Variants in ERBIN observed in about 807,000 individuals in gnomAD.
ERBIN encodes densin-180-like protein.
In ERBIN, 60 loss-of-function variants were observed where a neutral mutation model predicts 158.4. The observed-to-expected ratio is 0.38, with a 90% CI of 0.31 to 0.47. The LOEUF (loss-of-function observed/expected upper bound fraction) is 0.47, where lower values mean the gene tolerates loss of function less well. Ranked by LOEUF, ERBIN falls within the 20% of genes least tolerant of loss-of-function variation. The pLI, the probability that ERBIN is intolerant of heterozygous loss-of-function variation, is 0.99. For synonymous variants in ERBIN, 594 were observed against 557.2 expected, an observed-to-expected ratio of 1.07 and a Z score of -0.93; for missense variants, 1,610 against 1,648.0, an observed-to-expected ratio of 0.98 and a Z score of 0.40.
At chr5:66,047,981 TAAAG>T (rs913874174) in intron 18 of ERBIN, among the ~76,000 whole-genome samples, 1 of 151,902 alleles carries the variant, frequency 6.6e-6, no homozygotes, top group African/African-American at 2.4e-5. Context: ...TACTAAGTGT[TAAAG>T]AAATTTAGGA....
At position 66,050,899 on chromosome 5, in the gene ERBIN, A is replaced by C; in HGVS notation, c.2020A>C (p.Ser674Arg). ...MSDSVSLNTD[S>R]SQDTSLCSPV... ...TGATTCAGTTTCTCTTAATACTGAT[A>C]GTAGTCAAGACACCTCACTCTGCTC... The change falls in exon 20 of 26, where the codon AGT becomes CGT. Residue 674 changes from serine (S) to arginine (R), a missense_variant. By Grantham distance (110) the Ser-to-Arg change is moderately radical. This residue lies in a region of ERBIN where 1,014 missense variants were observed against 936.1 expected (regional missense o/e 1.08). Coordinates refer to ENST00000284037, the MANE Select transcript of ERBIN (RefSeq NM_001253697.2). 1 of 1,606,592 alleles carries C rather than the reference A, an allele frequency of 6.2e-7. No individual in the cohort carries two copies. The highest frequency in any genetic ancestry group is 8.5e-7 in the Non-Finnish European group (1 of 1,177,236).
At chr5:65,972,123 G>A (rs1295400143) in intron 1 of ERBIN, among the ~76,000 whole-genome samples, 1 of 152,130 alleles carries the variant, frequency 6.6e-6, no homozygotes, top group Non-Finnish European at 1.5e-5. Context: ...GGTCTGCTAT[G>A]TCATTTTTGG....
intron 7 of ERBIN, among the ~76,000 whole-genome samples, chr5:66,018,781 C>T (rs1396029704): frequency 1.4e-4 from 21 of 148,088 alleles, no homozygotes; most frequent in African/African-American, 4.0e-4. Flanking sequence ...GGACTACAGG[C>T]GCCCGCCACT....
chr5:65,942,073 G>A (rs1745121065), intron 1 of ERBIN, among the ~76,000 whole-genome samples: 1 of 152,128 alleles, frequency 6.6e-6, no homozygotes, highest in Non-Finnish European at 1.5e-5. Flanking sequence ...AGATAATTTT[G>A]TGTGAATGAT....
intron 14 of ERBIN, among the ~76,000 whole-genome samples, chr5:66,030,053 T>G (rs1756691898): frequency 6.6e-6 from 1 of 152,140 alleles, no homozygotes; most frequent in Admixed American, 6.5e-5. Flanking sequence ...TTGTTTTTGT[T>G]TTTTGACAGA....
intron 21 of ERBIN, chr5:66,055,179 A>T (rs915605767): frequency 3.7e-6 from 4 of 1,069,054 alleles, no homozygotes; most frequent in Admixed American, 3.8e-5. Context: ...AAAATGTATT[A>T]ATTTTATATG....
chr5:65,963,630 A>G (rs1233712482), intron 1 of ERBIN, among the ~76,000 whole-genome samples: 1 of 151,996 alleles, frequency 6.6e-6, no homozygotes, highest in African/African-American at 2.4e-5. Flanking sequence ...AAAAAAAACT[A>G]CTTTACATGA....
At chr5:66,025,288 G>A in intron 10 of ERBIN, 192 bp from the exon 11 acceptor site, 1 of 599,070 alleles carries the variant, frequency 1.7e-6, no homozygotes, top group Middle Eastern at 4.5e-4. Flanking sequence ...GTTAAATAGT[G>A]ATGTGGATGA....
chr5:66,053,315 T>C (rs1000320663), intron 20 of ERBIN, 91 bp from the exon 21 acceptor site: 2 of 713,054 alleles, frequency 2.8e-6, no homozygotes, highest in African/African-American at 3.7e-5. Flanking sequence ...CTTTTTTAAC[T>C]TGTCTACCTA....
At chr5:65,989,443 A>C (rs1010653178) in intron 2 of ERBIN, among the ~76,000 whole-genome samples, 5 of 152,172 alleles carry the variant, frequency 3.3e-5, no homozygotes, top group African/African-American at 1.2e-4. Context: ...TGTAGTCTCT[A>C]TTCACAGAAA....
At position 66,054,039 on chromosome 5, in the gene ERBIN, A is replaced by C; in HGVS notation, c.2721A>C (p.Gly907=). The change falls in exon 21 of 26, where the codon GGA becomes GGC. Residue 907 remains glycine (G), a synonymous_variant. Coordinates refer to ENST00000284037, the MANE Select transcript of ERBIN (RefSeq NM_001253697.2). The stretch of plus-strand genomic sequence containing the variant: ...TTAAAATCACATCTGCTGTTGATGG[A>C]AAAAATATAGTCAGGAGCAAGTCTG... The part of the protein sequence containing the change: ...TTVKITSAVD[G]KNIVRSKSAT... The C allele has an allele frequency of 6.2e-7, 1 of 1,614,152 alleles. No individual in the cohort carries two copies. Among genetic ancestry groups the C allele is most frequent in the Non-Finnish European group, 8.5e-7 (1 of 1,180,030 alleles).
chr5:65,997,981 A>C (rs1276902649), intron 4 of ERBIN, among the ~76,000 whole-genome samples: 1 of 152,036 alleles, frequency 6.6e-6, no homozygotes, highest in East Asian at 1.9e-4. Context: ...TAATCTCAGC[A>C]CTTTGGGACG....
intron 25 of ERBIN, 53 bp downstream of exon 25, chr5:66,077,002 A>G (rs2151311097): frequency 2.3e-6 from 3 of 1,304,300 alleles, no homozygotes; most frequent in Non-Finnish European, 3.3e-6. Flanking sequence ...TAATGTTTTC[A>G]CAGTTTAAAA....
At chr5:65,996,036 A>G (rs1390063225) in intron 4 of ERBIN, among the ~76,000 whole-genome samples, 3 of 152,168 alleles carry the variant, frequency 2.0e-5, no homozygotes, top group Non-Finnish European at 4.4e-5. Flanking sequence ...TATAGCTTGC[A>G]AACATTTTCT....
chr5:65,985,168 A>G (rs1580255145), intron 1 of ERBIN, among the ~76,000 whole-genome samples: 1 of 152,150 alleles, frequency 6.6e-6, no homozygotes, highest in African/African-American at 2.4e-5. Context: ...ATCTTGGCTC[A>G]CTCCAGCCTG....
At position 66,081,866 on chromosome 5, in the gene ERBIN, T is replaced by G. The variant is rs1359281716; in HGVS notation, c.*3336T>G. The stretch of plus-strand genomic sequence containing the variant: ...AAATAAAAATTATGATTCAAGAGCA[T>G]TAATTGATGAACAAGTGAACAAGAT... On this transcript the variant is annotated 3_prime_UTR_variant, in exon 26 of 26. Transcript: ENST00000284037. The G allele has an allele frequency of 1.3e-5, 2 of 151,852 alleles. No homozygotes were observed. Among genetic ancestry groups the G allele is most frequent in the African/African-American group, 2.4e-5 (1 of 41,348 alleles). 9.4% of individuals were successfully genotyped at this position (151,852 alleles called of 1,614,324 possible). A position where few individuals can be genotyped will look rare whatever the true frequency, so the allele number is the denominator to read the frequency against.
intron 15 of ERBIN, 107 bp from the exon 16 acceptor site, chr5:66,042,970 T>C: frequency 1.2e-6 from 1 of 833,798 alleles, no homozygotes; most frequent in Admixed American, 2.5e-5. Context: ...CTTAACTATT[T>C]TAGACTTATT....
Position 66,075,947 on chromosome 5 carries a change from A to G in ERBIN, c.3964-369A>G, listed in dbSNP as rs553663480. ...AAGCCACTAAACAGAGATACTGTGTAATTTAGATGTCCCACAAGTGGAAAC... is the reference window on the plus strand; with the variant it reads ...AAGCCACTAAACAGAGATACTGTGTGATTTAGATGTCCCACAAGTGGAAAC... On this transcript the variant is annotated intron_variant, in intron 23 of 25. Coordinates refer to ENST00000284037, the MANE Select transcript of ERBIN (RefSeq NM_001253697.2). Among the ~76,000 whole-genome samples, 22 of 152,298 alleles carry G rather than the reference A, an allele frequency of 1.4e-4. No individual in the cohort carries two copies. The East Asian group carries it at 1.5e-3, about 11-fold the overall frequency.
At chr5:65,963,051 A>T (rs1031826171) in intron 1 of ERBIN, among the ~76,000 whole-genome samples, 4 of 152,236 alleles carry the variant, frequency 2.6e-5, no homozygotes, top group African/African-American at 9.6e-5. Flanking sequence ...GTATCAGGTC[A>T]TAATTCCATT....
Sources: allele counts gnomAD v4.1 joint callset (sites outside exome capture counted in the v4.1 genomes callset), GRCh38; gene constraint gnomAD v4.1.1; regional missense constraint gnomAD v4.1.1; transcripts MANE v1.5; gene names NCBI Gene and HGNC (gene_info 2026-07-23, HGNC 2026-07-21).